USP6NL: variants seen among roughly 807,000 people sequenced by gnomAD.
USP6NL encodes the protein USP6 N-terminal-like protein.
USP6NL carries 26 observed loss-of-function variants against 61.9 expected under a neutral mutation model. That is an observed-to-expected ratio of 0.42 (90% CI 0.31 to 0.58). USP6NL has a LOEUF of 0.58. Among genes scored for constraint, USP6NL ranks in the 20% least tolerant of loss-of-function variants. The pLI, the probability that USP6NL is intolerant of heterozygous loss-of-function variation, is 0.16. For synonymous variants in USP6NL, 432 were observed against 390.1 expected, an observed-to-expected ratio of 1.11 and a Z score of -1.27; for missense variants, 1,114 against 1,034.3, an observed-to-expected ratio of 1.08 and a Z score of -1.06.
chr10:11,509,625 T>A lies in USP6NL; in HGVS notation c.246A>T (p.Lys82Asn). 6.4e-7 allele frequency: 1 copy of A among 1,566,554 alleles called. No individual in the cohort carries two copies. Residue 82 changes from lysine (K) to asparagine (N), a missense_variant, in exon 6 of 15, where the codon AAA becomes AAT. Coordinates refer to ENST00000609104, the MANE Select transcript of USP6NL (RefSeq NM_014688.5). ...CAGTGTTCTTGTATTTTTCCCATCCTTTCAGCATTTTCAGCCATTTGGTAG... is the reference window on the plus strand; with the variant it reads ...CAGTGTTCTTGTATTTTTCCCATCCATTCAGCATTTTCAGCCATTTGGTAG... ...ERTTKWLKML[K>N]GWEKYKNTEK...
chr10:11,591,571 C>A lies in USP6NL; in HGVS notation c.4+6060G>T, dbSNP rs1190590460. On this transcript the variant is annotated intron_variant, in intron 2 of 14. Transcript: ENST00000609104. The surrounding 1 kb of genome is among the most constrained non-coding windows in gnomAD (Gnocchi z 4.7). ...AATCACCAAATAAAAGGAAAACAGA[C>A]TTTCACAGAAAATGTTTTGTTTAAA... Among the ~76,000 whole-genome samples the A allele has an allele frequency of 6.6e-6, 1 of 151,980 alleles. No homozygotes were observed. The highest frequency in any genetic ancestry group is 1.5e-5 in the Non-Finnish European group (1 of 67,954).
At chr10:11,479,854 G>T (rs1005315604) in intron 14 of USP6NL, among the ~76,000 whole-genome samples, 5 of 152,024 alleles carry the variant, frequency 3.3e-5, no homozygotes, top group African/African-American at 1.2e-4. Context: ...GGATTACAGG[G>T]GTGAGCCACT....
chr10:11,557,991 T>C (rs1591926030), intron 2 of USP6NL, among the ~76,000 whole-genome samples: 2 of 152,186 alleles, frequency 1.3e-5, no homozygotes. Flanking sequence ...GTGAATGAAG[T>C]ATACAGTATG....
At chr10:11,573,655 T>A in intron 2 of USP6NL, 1 of 398,910 alleles carries the variant, frequency 2.5e-6, no homozygotes. Context: ...CCAGCTCCTT[T>A]ACAATCTGCA....
chr10:11,525,550 G>A lies in USP6NL; in HGVS notation c.73-82C>T. The A allele has an allele frequency of 8.2e-7, 1 of 1,224,070 alleles. No homozygotes were observed. Among genetic ancestry groups the A allele is most frequent in the South Asian group, 1.6e-5 (1 of 60,954 alleles). 75.8% of individuals were successfully genotyped at this position (1,224,070 alleles called of 1,614,324 possible). On this transcript the variant is annotated intron_variant, in intron 3 of 14. Transcript: ENST00000609104. The surrounding 1 kb of genome is among the most constrained non-coding windows in gnomAD (Gnocchi z 5.0). ...TTAAAATAAAAGGACGAAGAAATAA[G>A]AGCTATTTTTAATGTATTACTAAAA...
intron 6 of USP6NL, among the ~76,000 whole-genome samples, 151 bp from the exon 7 acceptor site, chr10:11,501,359 T>C (rs1369955889): frequency 1.3e-5 from 2 of 152,232 alleles, no homozygotes; most frequent in Non-Finnish European, 2.9e-5. Context: ...ATGGAGGTAC[T>C]GTCATCTCTA....
rs1188900610 is a variant in USP6NL, at chr10:11,487,117, A to AT, written c.665-1207dup. Among the ~76,000 whole-genome samples the AT allele has an allele frequency of 6.6e-6, 1 of 152,098 alleles. No individual in the cohort carries two copies. Among genetic ancestry groups the AT allele is most frequent in the Non-Finnish European group, 1.5e-5 (1 of 68,010 alleles). On this transcript the variant is annotated intron_variant, in intron 10 of 14. Transcript: ENST00000609104. This position sits in a 1 kb window ranked among gnomAD's most constrained non-coding sequence, Gnocchi z 4.2. ...ATTTGATAGGAATGGAAGTTGAAAA[A>AT]TTTTCAAGAAAAGTCTAATTTTCGA...
rs1230586488 is a variant in USP6NL at position 11,532,129 on chromosome 10, C to T, written c.5-4562G>A. 3 of 1,335,190 alleles carry T rather than the reference C, an allele frequency of 2.2e-6. No homozygotes were observed. Among genetic ancestry groups the T allele is most frequent in the African/African-American group, 2.9e-5 (2 of 67,968 alleles). The allele number at this position is 1,335,190 out of a possible 1,614,324, so 82.7% of individuals were successfully genotyped here. A position where few individuals can be genotyped will look rare whatever the true frequency, so the allele number is the denominator to read the frequency against. On this transcript the variant is annotated intron_variant, in intron 2 of 14. Coordinates refer to ENST00000609104, the MANE Select transcript of USP6NL (RefSeq NM_014688.5). This position sits in a 1 kb window ranked among gnomAD's most constrained non-coding sequence, Gnocchi z 4.1. ...CCATTTTTCCTAGAGTACATTTTGACAGATGAACGTTAAAAATATAAACAA... is the reference window on the plus strand; with the variant it reads ...CCATTTTTCCTAGAGTACATTTTGATAGATGAACGTTAAAAATATAAACAA...
chr10:11,594,573 C>T lies in USP6NL; in HGVS notation c.4+3058G>A, dbSNP rs565611042. Among the ~76,000 whole-genome samples, 6 of 152,280 alleles carry T rather than the reference C, an allele frequency of 3.9e-5. No homozygotes were observed. The South Asian group carries it at 1.2e-3, about 32-fold the overall frequency. ...ACCTTTACAATCCCCCTTCCTATCTCTAGAGTCCAGAATGTTCAATTCACT... is the reference window on the plus strand; with the variant it reads ...ACCTTTACAATCCCCCTTCCTATCTTTAGAGTCCAGAATGTTCAATTCACT... On this transcript the variant is annotated intron_variant, in intron 2 of 14. Coordinates refer to ENST00000609104, the MANE Select transcript of USP6NL (RefSeq NM_014688.5).
Position 11,462,364 on chromosome 10 carries a change from T to C in USP6NL, c.*77A>G. ...GAGTTGTTTACAATAGTATAAATAC[T>C]GCTTTGGCAATTATGAACATAGCAA... On this transcript the variant is annotated 3_prime_UTR_variant, in exon 15 of 15. Coordinates refer to ENST00000609104, the MANE Select transcript of USP6NL (RefSeq NM_014688.5). The C allele has an allele frequency of 6.7e-7, 1 of 1,483,720 alleles. No homozygotes were observed. The highest frequency in any genetic ancestry group is 9.0e-7 in the Non-Finnish European group (1 of 1,106,004). The allele number at this position is 1,483,720 out of a possible 1,614,324, so 91.9% of individuals were successfully genotyped here. A position where few individuals can be genotyped will look rare whatever the true frequency, so the allele number is the denominator to read the frequency against.
intron 2 of USP6NL, among the ~76,000 whole-genome samples, chr10:11,546,142 A>G (rs1836264506): frequency 6.6e-6 from 1 of 152,260 alleles, no homozygotes; most frequent in Non-Finnish European, 1.5e-5. Flanking sequence ...GAAACAGTTT[A>G]TCAAGACAAG....
rs1834639971 is a variant in USP6NL, at chr10:11,510,151, A to G, written c.196-476T>C. The stretch of plus-strand genomic sequence containing the variant: ...TGTAAGTAGCCTTATGCTAGAGGGA[A>G]ACTATTAAAAAAAATAAAACTAAGT... On this transcript the variant is annotated intron_variant, in intron 5 of 14. Transcript: ENST00000609104. The surrounding 1 kb of genome is among the most constrained non-coding windows in gnomAD (Gnocchi z 4.8). Among the ~76,000 whole-genome samples, 1 of 152,174 alleles carries G rather than the reference A, an allele frequency of 6.6e-6. No homozygotes were observed. The highest frequency in any genetic ancestry group is 1.5e-5 in the Non-Finnish European group (1 of 68,026).
At chr10:11,536,473 G>T (rs2133437891) in intron 2 of USP6NL, among the ~76,000 whole-genome samples, 1 of 152,248 alleles carries the variant, frequency 6.6e-6, no homozygotes, top group East Asian at 1.9e-4. Flanking sequence ...TGGAATTTGT[G>T]ATACAAAGAA....
At position 11,573,854 on chromosome 10, in the gene USP6NL, C is replaced by T. The variant is rs774292827; in HGVS notation, c.4+23777G>A. The T allele has an allele frequency of 7.7e-6, 3 of 389,164 alleles. No homozygotes were observed. The Admixed American group carries it at 1.3e-4, about 17-fold the overall frequency. 24.1% of individuals were successfully genotyped at this position (389,164 alleles called of 1,614,324 possible). On this transcript the variant is annotated intron_variant, in intron 2 of 14. Coordinates refer to ENST00000609104, the MANE Select transcript of USP6NL (RefSeq NM_014688.5). ...CTCTGAAGCAGTTAATAAGAAACAA[C>T]GAAAGGATAGGCTGTATCTTCTTGA... is the stretch of plus-strand genomic sequence containing the variant.
At chr10:11,564,735 C>G (rs995008789) in intron 2 of USP6NL, 3 of 152,164 alleles carry the variant, frequency 2.0e-5, no homozygotes, top group Admixed American at 1.3e-4. Flanking sequence ...CCCTATGATA[C>G]ACCTAAAAAA....
chr10:11,581,998 CTT>C (rs938919040), intron 2 of USP6NL, among the ~76,000 whole-genome samples: 27 of 151,852 alleles, frequency 1.8e-4, no homozygotes, highest in African/African-American at 5.6e-4. Context: ...GAGTTTCGCT[CTT>C]GTCTCCCAGG....
intron 5 of USP6NL, 36 bp from the exon 6 acceptor site, chr10:11,509,711 C>A (rs959743567): frequency 2.0e-6 from 3 of 1,489,942 alleles, no homozygotes; most frequent in East Asian, 2.5e-5. Flanking sequence ...TATTGTTGTT[C>A]GTTTCTTTAC....
At chr10:11,566,231 A>C (rs1238093780) in intron 2 of USP6NL, among the ~76,000 whole-genome samples, 2 of 152,236 alleles carry the variant, frequency 1.3e-5, no homozygotes, top group Admixed American at 1.3e-4. Context: ...ACATGAGTCT[A>C]AACTGTGGTA....
Position 11,463,631 on chromosome 10 carries a change from G to C in USP6NL, c.1297C>G (p.Arg433Gly), listed in dbSNP as rs369017520. The C allele has an allele frequency of 1.4e-5, 22 of 1,613,892 alleles. 1 individual carries two copies. The African/African-American group carries it at 1.7e-4, about 13-fold the overall frequency. The change falls in exon 15 of 15, where the codon CGG becomes GGG. Residue 433 changes from arginine (R) to glycine (G), a missense_variant. Coordinates refer to ENST00000609104, the MANE Select transcript of USP6NL (RefSeq NM_014688.5). This position sits in a 1 kb window ranked among gnomAD's most constrained non-coding sequence, Gnocchi z 6.3. ...TTGCTCTCCTCCTCCACCGATTTCCGTCTTGGCGGCTGTGCTCTCTCGGGC... is the reference window on the plus strand; with the variant it reads ...TTGCTCTCCTCCTCCACCGATTTCCCTCTTGGCGGCTGTGCTCTCTCGGGC... ...GTPERAQPPR[R>G]KSVEEESKKL...
Sources: gnomAD v4.1 joint callset for allele counts (sites outside exome capture counted in the v4.1 genomes callset) on GRCh38, gnomAD v4.1.1 for gene constraint, Gnocchi (gnomAD v3.1) non-coding constraint, MANE v1.5 for transcripts, NCBI Gene and HGNC (gene_info 2026-07-23, HGNC 2026-07-21) for gene names.